DSC1: variants seen among roughly 807,000 people sequenced by gnomAD.
DSC1 encodes the protein desmocollin-1.
In DSC1, 79 loss-of-function variants were observed where a neutral mutation model predicts 98.8. The ratio of observed to expected loss-of-function variants is 0.80; its 90% CI spans 0.67 to 0.96. The LOEUF is 0.96. DSC1 is among the 50% of genes least tolerant of loss of function. The pLI is 0.00. For synonymous variants in DSC1, 405 were observed against 372.1 expected, an observed-to-expected ratio of 1.09 and a Z score of -1.02; for missense variants, 1,115 against 1,075.9, an observed-to-expected ratio of 1.04 and a Z score of -0.51.
intron 6 of DSC1, among the ~76,000 whole-genome samples, chr18:31,148,161 G>C (rs187801255): frequency 4.5e-4 from 69 of 152,046 alleles, no homozygotes; most frequent in African/African-American, 1.5e-3. Flanking sequence ...AGCATGCATT[G>C]GTAAACCAAA....
chr18:31,155,184 T>C (rs1989072489), intron 4 of DSC1, among the ~76,000 whole-genome samples: 2 of 152,314 alleles, frequency 1.3e-5, no homozygotes, highest in South Asian at 2.1e-4. Context: ...ACATGTAGAG[T>C]AATACACTTT....
chr18:31,147,374 T>C (rs1988868190), intron 6 of DSC1, among the ~76,000 whole-genome samples: 2 of 152,184 alleles, frequency 1.3e-5, no homozygotes, highest in South Asian at 4.1e-4. Flanking sequence ...GAATGGCATT[T>C]GTCTGTTGCA....
At chr18:31,130,871 A>G (rs1235569837) in intron 15 of DSC1, 160 bp from the exon 16 acceptor site, 1 of 1,573,656 alleles carries the variant, frequency 6.4e-7, no homozygotes, top group South Asian at 1.2e-5. Flanking sequence ...ATTGGTCTGT[A>G]TTATAGTCAC....
chr18:31,147,205 T>C (rs1988865273), intron 6 of DSC1, among the ~76,000 whole-genome samples: 1 of 152,176 alleles, frequency 6.6e-6, no homozygotes, highest in Admixed American at 6.6e-5. Flanking sequence ...AATGTATATG[T>C]TTTATTTATC....
At position 31,159,536 on chromosome 18, in the gene DSC1, A is replaced by G; in HGVS notation, c.64-7T>C. The G allele has an allele frequency of 6.3e-7, 1 of 1,585,930 alleles. No homozygotes were observed. The highest frequency in any genetic ancestry group is 8.5e-7 in the Non-Finnish European group (1 of 1,171,534). ...CGCAAAGTAATGTTAAAACCTCAAAAAAAAAAAAAGAAAAAATATCAGGAA... is the reference window on the plus strand; with the variant it reads ...CGCAAAGTAATGTTAAAACCTCAAAGAAAAAAAAAGAAAAAATATCAGGAA... On this transcript the variant is annotated splice_polypyrimidine_tract_variant and splice_region_variant and intron_variant, in intron 1 of 15. Coordinates refer to ENST00000257198, the MANE Select transcript of DSC1 (RefSeq NM_024421.2).
intron 2 of DSC1, 104 bp from the exon 3 acceptor site, chr18:31,157,677 G>A (rs1989127335): frequency 1.6e-6 from 2 of 1,274,996 alleles, no homozygotes; most frequent in South Asian, 2.5e-5. Flanking sequence ...CAGAAAAAGG[G>A]AGGTTACATT....
chr18:31,157,781 A>G (rs759236486), intron 2 of DSC1, among the ~76,000 whole-genome samples: 13 of 152,228 alleles, frequency 8.5e-5, no homozygotes, highest in Non-Finnish European at 1.6e-4. Flanking sequence ...TACCTTCGTC[A>G]TACATTAATT....
rs770867249 is a variant in DSC1 at position 31,134,827 on chromosome 18, C to T, written c.1664-43G>A. On this transcript the variant is annotated intron_variant, in intron 11 of 15. Transcript: ENST00000257198. ...TAGGTTATTTCTTCACATGAAAATG[C>T]ATTTATTTTCAACAATTTATAAAAT... is the stretch of plus-strand genomic sequence containing the variant. The T allele has an allele frequency of 3.1e-5, 47 of 1,520,964 alleles. No individual in the cohort carries two copies. The African/African-American group carries it at 5.9e-4, about 19-fold the overall frequency. 94.2% of individuals were successfully genotyped at this position (1,520,964 alleles called of 1,614,324 possible). A position where few individuals can be genotyped will look rare whatever the true frequency, so the allele number is the denominator to read the frequency against.
At chr18:31,160,959 G>A in intron 1 of DSC1, among the ~76,000 whole-genome samples, 1 of 152,012 alleles carries the variant, frequency 6.6e-6, no homozygotes, top group East Asian at 1.9e-4. Context: ...TCATCCTTGT[G>A]CAGACATCAT....
intron 1 of DSC1, 98 bp downstream of exon 1, chr18:31,162,434 C>T: frequency 8.9e-7 from 1 of 1,119,010 alleles, no homozygotes; most frequent in Non-Finnish European, 1.3e-6. Context: ...CTCTTCTCTG[C>T]CTCCCATCCT....
intron 7 of DSC1, among the ~76,000 whole-genome samples, chr18:31,144,930 CTTTTTCTTTCT>C (rs1247995760): frequency 0.015 from 1,827 of 124,674 alleles, 83 homozygotes; most frequent in African/African-American, 0.056. Flanking sequence ...TCTGTATTTT[CTTTTTCTTTCT>C]TTTTTTTTTT....
intron 3 of DSC1, among the ~76,000 whole-genome samples, chr18:31,156,590 A>G (rs2118344): frequency 0.068 from 10,350 of 152,306 alleles, 493 homozygotes; most frequent in East Asian, 0.15. Context: ...ACTTGATTTT[A>G]TATAATGTGG....
In DSC1 at chr18:31,134,683, C is replaced by A. The variant is rs1475858767; in HGVS notation, c.1765G>T (p.Asp589Tyr). ...TCTACAGGTTTCAGAACAGCAAAATCCTCATTATTCTGACAAATGGTCACT... is the reference window on the plus strand; with the variant it reads ...TCTACAGGTTTCAGAACAGCAAAATACTCATTATTCTGACAAATGGTCACT... ...KEVTICQNNE[D>Y]FAVLKPVDPD... The change falls in exon 12 of 16, where the codon GAT becomes TAT. Residue 589 changes from aspartate to tyrosine, a missense_variant. Asp to Tyr is a radical substitution (Grantham distance 160). Coordinates refer to ENST00000257198, the MANE Select transcript of DSC1 (RefSeq NM_024421.2). 3 of 1,613,006 alleles carry A rather than the reference C, an allele frequency of 1.9e-6. No individual in the cohort carries two copies. The African/African-American group carries it at 4.0e-5, about 22-fold the overall frequency.
chr18:31,153,170 A>G (rs1451661970), intron 5 of DSC1, among the ~76,000 whole-genome samples: 1 of 152,122 alleles, frequency 6.6e-6, no homozygotes, highest in African/African-American at 2.4e-5. Context: ...AGAAGCAAAG[A>G]TAGAAAGCAG....
At chr18:31,154,975 T>C (rs1210038075) in intron 4 of DSC1, 46 bp from the exon 5 acceptor site, 1 of 1,598,334 alleles carries the variant, frequency 6.3e-7, no homozygotes, top group African/African-American at 1.3e-5. Context: ...ATGATGAATA[T>C]TTTCAACCTA....
At chr18:31,139,026 C>T (rs865968548) in intron 11 of DSC1, among the ~76,000 whole-genome samples, 34 of 151,744 alleles carry the variant, frequency 2.2e-4, no homozygotes, top group Middle Eastern at 6.8e-3. Flanking sequence ...ATGATGTATA[C>T]ATTAGTATAA....
intron 5 of DSC1, among the ~76,000 whole-genome samples, chr18:31,150,375 T>C (rs57672122): frequency 1.9e-4 from 6 of 30,814 alleles, no homozygotes; most frequent in African/African-American, 6.8e-4. Context: ...ACCACCACCA[T>C]CATCACCACC....
At position 31,143,630 on chromosome 18, in the gene DSC1, G is replaced by A. The variant is rs140043236; in HGVS notation, c.1074+27C>T. 4,396 of 1,475,406 alleles carry A rather than the reference G, an allele frequency of 3.0e-3. 7 individuals carry two copies. Among genetic ancestry groups the A allele is most frequent in the Non-Finnish European group, 3.7e-3 (4,156 of 1,110,954 alleles). 91.4% of individuals were successfully genotyped at this position (1,475,406 alleles called of 1,614,324 possible). A position where few individuals can be genotyped will look rare whatever the true frequency, so the allele number is the denominator to read the frequency against. On this transcript the variant is annotated intron_variant, in intron 8 of 15. Coordinates refer to ENST00000257198, the MANE Select transcript of DSC1 (RefSeq NM_024421.2). ...TTTTTTGAAAAAGTAGATAAATCTA[G>A]ATGAATGAATAGAGAGGTATACTCA...
chr18:31,150,285 C>T (rs1163517071), intron 5 of DSC1, among the ~76,000 whole-genome samples: 16 of 124,648 alleles, frequency 1.3e-4, no homozygotes, highest in East Asian at 3.0e-4. Flanking sequence ...ACCATCACCA[C>T]CACCACCACT....
Sources: gnomAD v4.1 joint callset for allele counts (sites outside exome capture counted in the v4.1 genomes callset) on GRCh38, gnomAD v4.1.1 for gene constraint, MANE v1.5 for transcripts, NCBI Gene and HGNC (gene_info 2026-07-23, HGNC 2026-07-21) for gene names.